Variants in CREB5 observed in about 807,000 individuals in gnomAD.
CREB5 encodes the protein cAMP responsive element binding protein 5.
A neutral mutation model predicts 57.1 loss-of-function variants in CREB5; 19 were observed. The ratio of observed to expected loss-of-function variants is 0.33; its 90% CI spans 0.23 to 0.49. The LOEUF is 0.49. CREB5 is among the 20% of genes least tolerant of loss of function. CREB5 has a pLI of 0.99. For missense variants in CREB5, 579 were observed against 671.6 expected (o/e 0.86, Z 1.52); for synonymous variants, 238 against 238.3 (o/e 1.00, Z 0.01).
chr7:28,495,393 T>G (rs1287325069), intron 3 of CREB5, among the ~76,000 whole-genome samples: 1 of 151,802 alleles, frequency 6.6e-6, no homozygotes, highest in Admixed American at 6.6e-5. Flanking sequence ...AATACAAAAA[T>G]TAGCCGGGCA....
At chr7:28,758,471 C>T (rs747609755) in intron 7 of CREB5, among the ~76,000 whole-genome samples, 1 of 151,968 alleles carries the variant, frequency 6.6e-6, no homozygotes, top group African/African-American at 2.4e-5. Context: ...GAGGGAGGTC[C>T]GGTGGGGAAA....
intron 5 of CREB5, among the ~76,000 whole-genome samples, chr7:28,683,708 A>G (rs1316403318): frequency 2.0e-5 from 3 of 152,154 alleles, no homozygotes; most frequent in Admixed American, 6.5e-5. Flanking sequence ...GGCTGAAGCT[A>G]TCATCTCCTT....
chr7:28,672,571 G>A (rs1800103405), intron 5 of CREB5, among the ~76,000 whole-genome samples: 1 of 152,166 alleles, frequency 6.6e-6, no homozygotes, highest in African/African-American at 2.4e-5. Context: ...TCTTGACCTG[G>A]TTAACGGGAA....
chr7:28,340,337 A>G (rs1414500961), intron 1 of CREB5, among the ~76,000 whole-genome samples: 52 of 144,778 alleles, frequency 3.6e-4, no homozygotes, highest in South Asian at 8.7e-4. Flanking sequence ...AGGACCCAAC[A>G]ACTCTTTAGT....
chr7:28,560,965 T>TGCGTGCGCGTGC (rs1554344532), intron 4 of CREB5, among the ~76,000 whole-genome samples: 4 of 36,376 alleles, frequency 1.1e-4, no homozygotes, highest in African/African-American at 2.7e-4. Flanking sequence ...TGTGTGCGTG[T>TGCGTGCGCGTGC]GTGTGTGCGT....
chr7:28,720,840 T>A (rs900803822), intron 6 of CREB5, among the ~76,000 whole-genome samples: 3 of 152,188 alleles, frequency 2.0e-5, no homozygotes, highest in African/African-American at 7.2e-5. Flanking sequence ...ATTATTTTTT[T>A]ACAACTTCTA....
intron 1 of CREB5, among the ~76,000 whole-genome samples, chr7:28,371,191 A>C (rs1446372829): frequency 6.6e-6 from 1 of 152,008 alleles, no homozygotes; most frequent in African/African-American, 2.4e-5. Context: ...TTCAGGGAGG[A>C]TGGGCATGGT....
At chr7:28,403,121 T>A (rs1787508179) in intron 1 of CREB5, among the ~76,000 whole-genome samples, 1 of 152,204 alleles carries the variant, frequency 6.6e-6, no homozygotes, top group South Asian at 2.1e-4. Context: ...TGTGATGGCT[T>A]CAACTAGAAC....
At chr7:28,407,285 A>G (rs961635120) in intron 1 of CREB5, among the ~76,000 whole-genome samples, 5 of 152,178 alleles carry the variant, frequency 3.3e-5, no homozygotes, top group African/African-American at 9.7e-5. Context: ...TCCTGACCTC[A>G]GGTGATCCAC....
chr7:28,735,438 C>G (rs1037849574), intron 7 of CREB5, among the ~76,000 whole-genome samples: 1 of 152,176 alleles, frequency 6.6e-6, no homozygotes, highest in Non-Finnish European at 1.5e-5. Context: ...AAATCAATCT[C>G]TGGCCATTTT....
intron 5 of CREB5, among the ~76,000 whole-genome samples, chr7:28,641,747 C>T (rs1798667980): frequency 1.3e-5 from 2 of 152,170 alleles, no homozygotes; most frequent in African/African-American, 4.8e-5. Context: ...AGAGTTGTCA[C>T]CTCCGCAATC....
intron 1 of CREB5, among the ~76,000 whole-genome samples, chr7:28,465,258 G>A (rs1486912338): frequency 6.6e-6 from 1 of 152,194 alleles, no homozygotes; most frequent in Non-Finnish European, 1.5e-5. Flanking sequence ...TCAAACTTAA[G>A]TCTAGGCTTG....
At chr7:28,611,246 C>T (rs921175251) in intron 5 of CREB5, among the ~76,000 whole-genome samples, 2 of 151,920 alleles carry the variant, frequency 1.3e-5, no homozygotes, top group Non-Finnish European at 2.9e-5. Flanking sequence ...AGCTCATCAC[C>T]AGTAAATCGC....
At position 28,823,898 on chromosome 7, in the gene CREB5, G is replaced by A. The variant is rs546142934; in HGVS notation, c.*4619G>A. The A allele has an allele frequency of 2.0e-5, 3 of 152,646 alleles. No individual in the cohort carries two copies. The highest frequency in any genetic ancestry group is 4.2e-4 in the South Asian group (2 of 4,818). The allele number at this position is 152,646 out of a possible 1,614,324, so 9.5% of individuals were successfully genotyped here. ...AATTTGAATAAAACCGTGCCTATGC[G>A]AACAGTAGCAATTTAGAATCTCTTT... On this transcript the variant is annotated 3_prime_UTR_variant, in exon 11 of 11. Transcript: ENST00000357727.
chr7:28,625,852 G>A (rs577660927), intron 5 of CREB5, among the ~76,000 whole-genome samples: 1 of 152,212 alleles, frequency 6.6e-6, no homozygotes, highest in East Asian at 1.9e-4. Flanking sequence ...TATCATAGAG[G>A]ATCATCTATT....
At chr7:28,770,482 T>G (rs1242706585) in intron 7 of CREB5, among the ~76,000 whole-genome samples, 1 of 152,178 alleles carries the variant, frequency 6.6e-6, no homozygotes, top group Non-Finnish European at 1.5e-5. Context: ...GAATGGAACT[T>G]TTTTTTATAT....
intron 1 of CREB5, among the ~76,000 whole-genome samples, chr7:28,476,992 C>T (rs1032533453): frequency 2.1e-4 from 32 of 152,222 alleles, no homozygotes; most frequent in African/African-American, 6.8e-4. Context: ...GCCCAGAGGG[C>T]AGGAACTGTT....
chr7:28,707,073 C>T (rs1001401708), intron 5 of CREB5, among the ~76,000 whole-genome samples: 13 of 151,986 alleles, frequency 8.6e-5, no homozygotes, highest in South Asian at 4.2e-4. Flanking sequence ...GAGAGAAAGC[C>T]GGCTTCCCTG....
intron 4 of CREB5, among the ~76,000 whole-genome samples, chr7:28,509,214 G>A (rs1256628853): frequency 6.6e-6 from 1 of 152,172 alleles, no homozygotes; most frequent in Non-Finnish European, 1.5e-5. Flanking sequence ...TGATAGAATG[G>A]TTTTACCTCA....
Sources: gnomAD v4.1 joint callset for allele counts (sites outside exome capture counted in the v4.1 genomes callset) on GRCh38, gnomAD v4.1.1 for gene constraint, MANE v1.5 for transcripts, NCBI Gene and HGNC (gene_info 2026-07-23, HGNC 2026-07-21) for gene names.